The following CFAP299 variants were observed in gnomAD, a reference collection of about 807,000 sequenced individuals.
CFAP299 encodes cilia- and flagella-associated protein 299.
CFAP299 carries 21 observed loss-of-function variants against 27.0 expected under a neutral mutation model. The observed-to-expected ratio is 0.78, with a 90% CI of 0.55 to 1.12. The LOEUF (loss-of-function observed/expected upper bound fraction) is 1.12, where lower values mean the gene tolerates loss of function less well. Ranked by LOEUF, CFAP299 falls within the 50% of genes most tolerant of loss-of-function variation. CFAP299 has a pLI of 0.00. For missense variants in CFAP299, 310 were observed against 276.6 expected (o/e 1.12, Z -0.86); for synonymous variants, 104 against 98.1 (o/e 1.06, Z -0.36).
chr4:80,657,331 G>A (rs532886883), intron 3 of CFAP299, among the ~76,000 whole-genome samples: 2 of 152,162 alleles, frequency 1.3e-5, no homozygotes, highest in African/African-American at 4.8e-5. Context: ...GTATTGCCTA[G>A]GTTTTCTTCT....
chr4:80,692,666 C>T (rs1488175716), intron 3 of CFAP299, among the ~76,000 whole-genome samples: 2 of 152,196 alleles, frequency 1.3e-5, no homozygotes, highest in South Asian at 2.1e-4. Flanking sequence ...ACACCAAAAG[C>T]AATGGCAACC....
chr4:80,759,155 A>T (rs979763556), intron 3 of CFAP299, among the ~76,000 whole-genome samples: 1 of 152,310 alleles, frequency 6.6e-6, no homozygotes, highest in African/African-American at 2.4e-5. Flanking sequence ...CAAATCACTT[A>T]TTTCACATCT....
At chr4:80,738,404 C>T (rs1186568199) in intron 3 of CFAP299, among the ~76,000 whole-genome samples, 6 of 152,002 alleles carry the variant, frequency 3.9e-5, no homozygotes. Flanking sequence ...TATATATCGG[C>T]TTGGACCAGT....
intron 2 of CFAP299, among the ~76,000 whole-genome samples, chr4:80,499,171 A>T (rs1215203637): frequency 6.6e-6 from 1 of 152,114 alleles, no homozygotes; most frequent in Non-Finnish European, 1.5e-5. Context: ...AAATAATCTG[A>T]ATATCAAACC....
At chr4:80,446,223 A>G (rs1728608467) in intron 2 of CFAP299, among the ~76,000 whole-genome samples, 1 of 152,140 alleles carries the variant, frequency 6.6e-6, no homozygotes, top group Non-Finnish European at 1.5e-5. Flanking sequence ...AGTTGTCCAT[A>G]TTTGTGTGTG....
chr4:80,662,526 T>C (rs1487260123), intron 3 of CFAP299, among the ~76,000 whole-genome samples: 1 of 152,052 alleles, frequency 6.6e-6, no homozygotes, highest in Non-Finnish European at 1.5e-5. Flanking sequence ...CATCAAATAA[T>C]GATCTGAATA....
chr4:80,524,590 T>C (rs1012529877), intron 2 of CFAP299, among the ~76,000 whole-genome samples: 4 of 152,088 alleles, frequency 2.6e-5, no homozygotes, highest in African/African-American at 9.7e-5. Context: ...AATTGACATC[T>C]CCTCTTGGGT....
chr4:80,926,196 A>T (rs969184773), intron 4 of CFAP299, among the ~76,000 whole-genome samples: 1 of 152,094 alleles, frequency 6.6e-6, no homozygotes, highest in African/African-American at 2.4e-5. Context: ...TGCACATAGT[A>T]GAAAAAGCTC....
intron 3 of CFAP299, among the ~76,000 whole-genome samples, chr4:80,825,609 TA>T (rs968966189): frequency 4.0e-5 from 6 of 150,586 alleles, no homozygotes; most frequent in South Asian, 2.1e-4. Flanking sequence ...GGTGCTCAAA[TA>T]AAAAAAAAGT....
chr4:80,655,130 T>A (rs1166949351), intron 3 of CFAP299, among the ~76,000 whole-genome samples: 1 of 152,134 alleles, frequency 6.6e-6, no homozygotes, highest in Non-Finnish European at 1.5e-5. Context: ...TAGGAGTTTG[T>A]GTACTATACA....
At chr4:80,777,522 C>T (rs994347139) in intron 3 of CFAP299, among the ~76,000 whole-genome samples, 1 of 152,144 alleles carries the variant, frequency 6.6e-6, no homozygotes, top group Admixed American at 6.6e-5. Context: ...AAATATAAGT[C>T]ATGTGGATAT....
At chr4:80,628,676 T>C (rs1436723955) in intron 3 of CFAP299, among the ~76,000 whole-genome samples, 1 of 152,118 alleles carries the variant, frequency 6.6e-6, no homozygotes, top group Non-Finnish European at 1.5e-5. Context: ...GCCATGAAAC[T>C]GAACAGACAT....
At chr4:80,450,919 G>C (rs941711047) in intron 2 of CFAP299, among the ~76,000 whole-genome samples, 5 of 151,642 alleles carry the variant, frequency 3.3e-5, no homozygotes, top group Admixed American at 6.6e-5. Context: ...GTGAGAGAGA[G>C]AGAGAGAGCA....
chr4:80,742,214 C>G (rs913907277), intron 3 of CFAP299, among the ~76,000 whole-genome samples: 5 of 152,014 alleles, frequency 3.3e-5, no homozygotes, highest in African/African-American at 1.2e-4. Context: ...TGTGCAGATA[C>G]TTGTTAAAAT....
intron 3 of CFAP299, among the ~76,000 whole-genome samples, chr4:80,701,788 C>T (rs181597050): frequency 5.6e-4 from 85 of 152,008 alleles, no homozygotes; most frequent in Non-Finnish European, 3.7e-4. Flanking sequence ...GCTTATAAAA[C>T]GGAATGTGTG....
the CFAP299 span, among the ~76,000 whole-genome samples, chr4:80,325,350 GATA>G: frequency 1.3e-5 from 2 of 152,172 alleles, no homozygotes; most frequent in Non-Finnish European, 1.5e-5. Flanking sequence ...TTTGGCAAGT[GATA>G]ATAGTATCTA....
intron 3 of CFAP299, among the ~76,000 whole-genome samples, chr4:80,654,113 G>C (rs922438278): frequency 6.6e-6 from 1 of 152,054 alleles, no homozygotes; most frequent in Admixed American, 6.6e-5. Flanking sequence ...ATGACATTGC[G>C]GTACTGGGGA....
Position 80,724,575 on chromosome 4 carries a change from C to CT in CFAP299, c.333+141399dup, listed in dbSNP as rs1301093624. 2.0e-5 allele frequency among the ~76,000 whole-genome samples: 3 copies of CT among 151,966 alleles called. 1 individual carries two copies. Among genetic ancestry groups the CT allele is most frequent in the South Asian group, 2.1e-4 (1 of 4,818 alleles). ...ATAGGTAAGCCTATTTCGTCACTGA[C>CT]TTTTTTTGGAATTGATGGCTCAAAA... On this transcript the variant is annotated intron_variant, in intron 3 of 5. Coordinates refer to ENST00000358105, the MANE Select transcript of CFAP299 (RefSeq NM_152770.3).
At chr4:80,732,974 G>T (rs1404424924) in intron 3 of CFAP299, among the ~76,000 whole-genome samples, 1 of 152,056 alleles carries the variant, frequency 6.6e-6, no homozygotes, top group Non-Finnish European at 1.5e-5. Context: ...TAATACACAT[G>T]TGTTATTACT....
Sources: allele counts gnomAD v4.1 joint callset (sites outside exome capture counted in the v4.1 genomes callset), GRCh38; gene constraint gnomAD v4.1.1; transcripts MANE v1.5; gene names NCBI Gene and HGNC (gene_info 2026-07-23, HGNC 2026-07-21).